The following EPM2A variants were observed in gnomAD, a reference collection of about 807,000 sequenced individuals.
The protein encoded by EPM2A is laforin.
EPM2A carries 21 observed loss-of-function variants against 26.5 expected under a neutral mutation model. That is an observed-to-expected ratio of 0.79 (90% confidence interval 0.56 to 1.14). The LOEUF (loss-of-function observed/expected upper bound fraction) is 1.14. Among genes scored for constraint, EPM2A ranks in the 50% most tolerant of loss-of-function variants. The pLI, the probability that EPM2A is intolerant of heterozygous loss-of-function variation, is 0.00. For missense variants in EPM2A, 458 were observed against 440.8 expected (o/e 1.04, Z -0.35); for synonymous variants, 217 against 177.6 (o/e 1.22, Z -1.76).
At chr6:145,387,909 A>G (rs557784191) in intron 4 of EPM2A, among the ~76,000 whole-genome samples, 5 of 152,002 alleles carry the variant, frequency 3.3e-5, no homozygotes, top group South Asian at 2.1e-4. Flanking sequence ...GTTTTCTGTC[A>G]GGTTGAAGAG....
Position 145,664,110 on chromosome 6 carries a change from C to T in EPM2A, c.476+22012G>A, listed in dbSNP as rs1261811304. ...ACTAGGAAGAAACTGCATCAACTAA[C>T]GAGCAAAATCACCAGCTAACATCAT... On this transcript the variant is annotated intron_variant, in intron 2 of 3. Coordinates refer to ENST00000367519, the MANE Select transcript of EPM2A (RefSeq NM_005670.4). Among the ~76,000 whole-genome samples, 4 of 82,072 alleles carry T rather than the reference C, an allele frequency of 4.9e-5. 1 individual carries two copies. The highest frequency in any genetic ancestry group is 4.7e-4 in the Admixed American group (3 of 6,446). 53.8% of individuals were successfully genotyped at this position (82,072 alleles called of 152,430 possible). A position where few individuals can be genotyped will look rare whatever the true frequency, so the allele number is the denominator to read the frequency against.
chr6:145,556,544 G>C lies in EPM2A; in HGVS notation c.341-53969C>G, dbSNP rs1562381053. ...AAGTGAAGTAACAAGAGAAGGGAGAGAAACACTTATAAACATAAAGTAATA... is the reference window on the plus strand; with the variant it reads ...AAGTGAAGTAACAAGAGAAGGGAGACAAACACTTATAAACATAAAGTAATA... On this transcript the variant is annotated intron_variant, in intron 2 of 3. Transcript: ENST00000450221. Among the ~76,000 whole-genome samples the C allele has an allele frequency of 2.0e-5, 3 of 152,232 alleles. No individual in the cohort carries two copies. The East Asian group carries it at 5.8e-4, about 29-fold the overall frequency.
intron 1 of EPM2A, among the ~76,000 whole-genome samples, chr6:145,702,831 A>G (rs1171832417): frequency 6.6e-6 from 1 of 152,042 alleles, no homozygotes; most frequent in Non-Finnish European, 1.5e-5. Context: ...TTTCTGCCCA[A>G]CCCCTGCCCA....
chr6:145,620,427 A>G (rs760724028), downstream of EPM2A, among the ~76,000 whole-genome samples: 2 of 152,138 alleles, frequency 1.3e-5, no homozygotes, highest in African/African-American at 4.8e-5. Flanking sequence ...ATGGACCACT[A>G]CTGTGGCCTG....
chr6:145,666,733 T>C (rs1779228278), intron 2 of EPM2A, among the ~76,000 whole-genome samples: 1 of 148,296 alleles, frequency 6.7e-6, no homozygotes, highest in Non-Finnish European at 1.5e-5. Context: ...AGAACAAAGT[T>C]GGAGGCATCA....
chr6:145,495,311 T>TTTA (rs370433689), intron 4 of EPM2A, among the ~76,000 whole-genome samples: 2 of 45,556 alleles, frequency 4.4e-5, no homozygotes, highest in African/African-American at 1.4e-4. Flanking sequence ...ACCACTGGGA[T>TTTA]TTTTTTTTTT....
chr6:145,468,202 T>C lies in EPM2A; in HGVS notation c.555+34320A>G, dbSNP rs76635294. On this transcript the variant is annotated intron_variant, in intron 4 of 4. Coordinates refer to the EPM2A transcript ENST00000638717. Reference sequence around the variant, plus strand: ...TAAATAAGACATAATGTCCCAGGGTTTCGAATTTCCTGTTACCTGTTTTAT... The same window carrying C: ...TAAATAAGACATAATGTCCCAGGGTCTCGAATTTCCTGTTACCTGTTTTAT... Among the ~76,000 whole-genome samples, 488 of 152,208 alleles carry C rather than the reference T, an allele frequency of 3.2e-3. 7 individuals carry two copies. Among genetic ancestry groups the C allele is most frequent in the African/African-American group, 0.011 (471 of 41,572 alleles).
intron 4 of EPM2A, chr6:145,490,663 G>A (rs1270076615): frequency 3.2e-6 from 2 of 622,168 alleles, no homozygotes; most frequent in Non-Finnish European, 6.2e-6. Context: ...ACTCTCAGTA[G>A]AGTGTGATTT....
In EPM2A at chr6:145,687,499, C is replaced by G. The variant is rs376188123; in HGVS notation, c.302-1203G>C. On this transcript the variant is annotated intron_variant, in intron 1 of 3. Coordinates refer to ENST00000367519, the MANE Select transcript of EPM2A (RefSeq NM_005670.4). ...ATAATTCATACATTATTTTTACTAC[C>G]TTTTTATCATCCCATTTCAAATCAT... Among the ~76,000 whole-genome samples the G allele has an allele frequency of 3.8e-4, 58 of 152,070 alleles. No homozygotes were observed. In the South Asian group the frequency reaches 6.7e-3, roughly 17 times the overall value.
At chr6:145,645,974 G>A (rs966956437) in intron 2 of EPM2A, among the ~76,000 whole-genome samples, 27 of 152,088 alleles carry the variant, frequency 1.8e-4, no homozygotes, top group African/African-American at 5.3e-4. Flanking sequence ...TAAGCTTGGC[G>A]TTCTCATCTA....
intron 2 of EPM2A, among the ~76,000 whole-genome samples, chr6:145,588,972 C>G (rs1024709240): frequency 6.6e-6 from 1 of 152,068 alleles, no homozygotes; most frequent in Non-Finnish European, 1.5e-5. Flanking sequence ...ATGGCACAAG[C>G]AAGAGAAGCT....
intron 1 of EPM2A, among the ~76,000 whole-genome samples, chr6:145,716,351 T>C (rs1323415014): frequency 2.0e-5 from 3 of 152,134 alleles, no homozygotes; most frequent in East Asian, 1.9e-4. Context: ...GATCCACCCA[T>C]GAAGATTCTG....
At chr6:145,708,965 T>C (rs1231112997) in intron 1 of EPM2A, among the ~76,000 whole-genome samples, 1 of 152,202 alleles carries the variant, frequency 6.6e-6, no homozygotes, top group African/African-American at 2.4e-5. Flanking sequence ...ATTTTGGAAC[T>C]TTAAGGTTTA....
At chr6:145,612,713 TTA>T (rs1018894017) in intron 2 of EPM2A, among the ~76,000 whole-genome samples, 3 of 146,734 alleles carry the variant, frequency 2.0e-5, no homozygotes, top group Non-Finnish European at 3.0e-5. Flanking sequence ...ACAATATTAT[TTA>T]TATATATTAT....
intron 4 of EPM2A, among the ~76,000 whole-genome samples, chr6:145,455,298 G>T (rs115696188): frequency 0.022 from 1,589 of 72,290 alleles, 19 homozygotes; most frequent in Admixed American, 0.048. Flanking sequence ...ATGTAAAAAT[G>T]AAAGAAAAAA....
At chr6:145,726,681 C>T (rs1176551148) in intron 1 of EPM2A, among the ~76,000 whole-genome samples, 1 of 152,048 alleles carries the variant, frequency 6.6e-6, no homozygotes, top group Non-Finnish European at 1.5e-5. Context: ...AAAGAAACAC[C>T]AGAAAAATCC....
At chr6:145,619,924 A>G (rs1389802880) in intron 2 of EPM2A, among the ~76,000 whole-genome samples, 1 of 152,230 alleles carries the variant, frequency 6.6e-6, no homozygotes, top group Middle Eastern at 3.2e-3. Flanking sequence ...TTTTTGAAAT[A>G]AAAAAATGAA....
chr6:145,582,189 T>C (rs546354563), intron 2 of EPM2A, among the ~76,000 whole-genome samples: 1 of 152,344 alleles, frequency 6.6e-6, no homozygotes, highest in African/African-American at 2.4e-5. Context: ...CTTAATTTCA[T>C]TGTTTACCCA....
chr6:145,559,973 C>T (rs1193156876), intron 2 of EPM2A, among the ~76,000 whole-genome samples: 1 of 152,074 alleles, frequency 6.6e-6, no homozygotes, highest in African/African-American at 2.4e-5. Flanking sequence ...GAGAGGTTCA[C>T]AGGTACCATA....
Sources: gnomAD v4.1 joint callset for allele counts (sites outside exome capture counted in the v4.1 genomes callset) on GRCh38, gnomAD v4.1.1 for gene constraint, MANE v1.5 for transcripts, NCBI Gene and HGNC (gene_info 2026-07-23, HGNC 2026-07-21) for gene names.